Variants in KCNB2 observed in about 807,000 individuals in gnomAD.
KCNB2 encodes the protein potassium voltage-gated channel subfamily B member 2.
KCNB2 carries 15 observed loss-of-function variants against 61.5 expected under a neutral mutation model. The ratio of observed to expected loss-of-function variants is 0.24; its 90% CI spans 0.16 to 0.38. KCNB2 has a LOEUF of 0.38. KCNB2 is among the 10% of genes least tolerant of loss of function. KCNB2 has a pLI of 1.00. For missense variants in KCNB2, 828 were observed against 1,125.2 expected (o/e 0.74, Z 3.78); for synonymous variants, 457 against 446.0 (o/e 1.02, Z -0.31).
At chr8:72,734,893 G>T (rs1056930557) in intron 2 of KCNB2, among the ~76,000 whole-genome samples, 3 of 152,310 alleles carry the variant, frequency 2.0e-5, no homozygotes, top group East Asian at 1.9e-4. Flanking sequence ...GGTGGTCCAT[G>T]CAGGCTTGTG....
chr8:72,581,588 C>T (rs1243071479), intron 2 of KCNB2, among the ~76,000 whole-genome samples: 5 of 152,202 alleles, frequency 3.3e-5, no homozygotes, highest in African/African-American at 1.2e-4. Flanking sequence ...GGTTGGGTAT[C>T]TGATTCTAGC....
At chr8:72,617,656 G>A (rs540472251) in intron 2 of KCNB2, among the ~76,000 whole-genome samples, 6 of 150,672 alleles carry the variant, frequency 4.0e-5, no homozygotes, top group South Asian at 4.2e-4. Context: ...ACATTTTTAC[G>A]ATAGACCCTT....
chr8:72,691,068 T>C (rs6999514), intron 2 of KCNB2, among the ~76,000 whole-genome samples: 2,273 of 152,252 alleles, frequency 0.015, 46 homozygotes, highest in African/African-American at 0.052. Flanking sequence ...CTGGTTCGAC[T>C]CCCCCAGGCT....
At chr8:72,565,777 G>C (rs1806615778) in intron 1 of KCNB2, among the ~76,000 whole-genome samples, 1 of 151,902 alleles carries the variant, frequency 6.6e-6, no homozygotes, top group Admixed American at 6.6e-5. Flanking sequence ...TGCATTTTCT[G>C]GCCACATATA....
At chr8:72,646,735 C>A (rs1164659216) in intron 2 of KCNB2, among the ~76,000 whole-genome samples, 1 of 152,002 alleles carries the variant, frequency 6.6e-6, no homozygotes, top group African/African-American at 2.4e-5. Flanking sequence ...GGGCAGTGGA[C>A]ATAGGGAGTT....
intron 2 of KCNB2, among the ~76,000 whole-genome samples, chr8:72,704,783 C>T (rs1459876295): frequency 2.0e-5 from 3 of 152,090 alleles, no homozygotes; most frequent in African/African-American, 7.2e-5. Flanking sequence ...CCCTCTCCCT[C>T]CACAGGTAAC....
intron 2 of KCNB2, among the ~76,000 whole-genome samples, chr8:72,702,051 AG>A (rs1807139144): frequency 6.6e-6 from 1 of 152,206 alleles, no homozygotes; most frequent in South Asian, 2.1e-4. Flanking sequence ...ATCTTAACTT[AG>A]GAAAAAAAAT....
intron 2 of KCNB2, among the ~76,000 whole-genome samples, chr8:72,771,836 G>A (rs1808566705): frequency 6.6e-6 from 1 of 152,076 alleles, no homozygotes; most frequent in South Asian, 2.1e-4. Flanking sequence ...AAATTTGAGA[G>A]GTAAGCATGT....
chr8:72,842,302 T>C (rs192189378), intron 2 of KCNB2, among the ~76,000 whole-genome samples: 67 of 152,338 alleles, frequency 4.4e-4, no homozygotes, highest in African/African-American at 1.2e-3. Context: ...ACATGGTGGA[T>C]AAGCTTTTTG....
intron 2 of KCNB2, among the ~76,000 whole-genome samples, chr8:72,681,194 T>A (rs1321354348): frequency 1.3e-5 from 2 of 152,134 alleles, no homozygotes; most frequent in African/African-American, 4.8e-5. Flanking sequence ...ATGTGAGTGA[T>A]GTTAAACTTG....
At chr8:72,872,250 C>T (rs1805629880) in intron 2 of KCNB2, among the ~76,000 whole-genome samples, 1 of 152,200 alleles carries the variant, frequency 6.6e-6, no homozygotes, top group Admixed American at 6.5e-5. Context: ...GGCATCTCAG[C>T]AGTGCAGCTG....
intron 2 of KCNB2, among the ~76,000 whole-genome samples, chr8:72,587,511 T>C (rs1435300968): frequency 1.3e-5 from 2 of 152,186 alleles, no homozygotes; most frequent in Non-Finnish European, 2.9e-5. Flanking sequence ...ATCAATCTTT[T>C]GAGCCCAGGA....
At chr8:72,889,113 TC>T (rs1453732829) in intron 2 of KCNB2, among the ~76,000 whole-genome samples, 2 of 152,136 alleles carry the variant, frequency 1.3e-5, no homozygotes, top group African/African-American at 4.8e-5. Flanking sequence ...ACCCCATGCT[TC>T]TTAGGGGAGA....
intron 2 of KCNB2, among the ~76,000 whole-genome samples, chr8:72,760,891 C>T (rs1216289652): frequency 3.9e-5 from 6 of 152,088 alleles, no homozygotes; most frequent in African/African-American, 7.2e-5. Context: ...TGTTGGATCA[C>T]GTATCTTAAT....
chr8:72,593,926 G>T (rs1304013752), intron 2 of KCNB2, among the ~76,000 whole-genome samples: 1 of 152,052 alleles, frequency 6.6e-6, no homozygotes, highest in African/African-American at 2.4e-5. Context: ...GAAAGAAAAA[G>T]AAAATTTCTG....
intron 2 of KCNB2, among the ~76,000 whole-genome samples, chr8:72,681,185 T>A (rs543932266): frequency 7.6e-4 from 116 of 152,218 alleles, no homozygotes; most frequent in African/African-American, 2.4e-3. Context: ...GGCTGTACAA[T>A]GTGAGTGATG....
intron 1 of KCNB2, among the ~76,000 whole-genome samples, chr8:72,541,609 C>T (rs2128976421): frequency 6.6e-6 from 1 of 152,120 alleles, no homozygotes; most frequent in Non-Finnish European, 1.5e-5. Context: ...GGATGCCCTG[C>T]TTATTAGTAC....
chr8:72,671,372 C>A (rs1806561658), intron 2 of KCNB2, among the ~76,000 whole-genome samples: 1 of 152,140 alleles, frequency 6.6e-6, no homozygotes, highest in Non-Finnish European at 1.5e-5. Context: ...TTACAGCCTG[C>A]AAAACCTTGA....
At chr8:72,767,821 G>T (rs966760235) in intron 2 of KCNB2, among the ~76,000 whole-genome samples, 1 of 152,162 alleles carries the variant, frequency 6.6e-6, no homozygotes, top group Admixed American at 6.5e-5. Flanking sequence ...GCATAATTTT[G>T]CATTCCCACC....
Sources: gnomAD v4.1 joint callset for allele counts (sites outside exome capture counted in the v4.1 genomes callset) on GRCh38, gnomAD v4.1.1 for gene constraint, MANE v1.5 for transcripts, NCBI Gene and HGNC (gene_info 2026-07-23, HGNC 2026-07-21) for gene names.